STAG2: variants seen among roughly 807,000 people sequenced by gnomAD.
The protein encoded by STAG2 is cohesin subunit SA-2.
A neutral mutation model predicts 108.1 loss-of-function variants in STAG2; 14 were observed. That is an observed-to-expected ratio of 0.13 (90% CI 0.09 to 0.20). The LOEUF (loss-of-function observed/expected upper bound fraction) is 0.20. STAG2 is among the 10% of genes least tolerant of loss of function. The probability of loss-of-function intolerance (pLI) is 1.00; values close to 1 mark genes in which losing one functional copy is unlikely to be tolerated. For missense variants in STAG2, 440 were observed against 940.9 expected (o/e 0.47, Z 6.96); for synonymous variants, 307 against 302.7 (o/e 1.01, Z -0.15).
chrX:124,033,880 A>T (rs1202296554), intron 5 of STAG2, among the ~76,000 whole-genome samples: 1 of 112,297 alleles, frequency 8.9e-6, no homozygotes, highest in Admixed American at 9.5e-5. Context: ...CAGATTCATT[A>T]TCTGGTGAAG....
intron 5 of STAG2, among the ~76,000 whole-genome samples, chrX:124,034,805 G>A (rs1286212557): frequency 9.0e-6 from 1 of 110,884 alleles, no homozygotes; most frequent in Non-Finnish European, 1.9e-5. Flanking sequence ...TTTGATCAAA[G>A]ATCATGTGTT....
intron 30 of STAG2, among the ~76,000 whole-genome samples, chrX:124,088,892 G>C (rs1405005038): frequency 2.0e-5 from 2 of 101,712 alleles, no homozygotes; most frequent in African/African-American, 7.2e-5. Context: ...GGGATTACAG[G>C]TGTGAGCCAC....
At chrX:124,045,977 G>A (rs1171355915) in intron 8 of STAG2, among the ~76,000 whole-genome samples, 1 of 110,433 alleles carries the variant, frequency 9.1e-6, no homozygotes, top group Non-Finnish European at 1.9e-5. Context: ...TTAGGCTGGG[G>A]CAAATTCTTT....
At chrX:123,973,652 C>T (rs2054478120) in intron 1 of STAG2, among the ~76,000 whole-genome samples, 1 of 109,164 alleles carries the variant, frequency 9.2e-6, no homozygotes, top group African/African-American at 3.3e-5. Flanking sequence ...CAAGACTAGC[C>T]TGAGCAATGT....
intron 1 of STAG2, among the ~76,000 whole-genome samples, chrX:124,001,960 A>C (rs2056064064): frequency 8.9e-6 from 1 of 112,286 alleles, no homozygotes. Flanking sequence ...TGGGTGGCTC[A>C]CACCTGTAAT....
intron 5 of STAG2, among the ~76,000 whole-genome samples, chrX:124,033,980 G>A (rs2057427847): frequency 9.0e-6 from 1 of 110,857 alleles, no homozygotes. Context: ...TGATCTTATT[G>A]CCATCTATAG....
intron 26 of STAG2, among the ~76,000 whole-genome samples, chrX:124,077,293 C>A (rs193168430): frequency 1.0e-3 from 110 of 108,052 alleles, no homozygotes; most frequent in Non-Finnish European, 1.7e-3. Flanking sequence ...AGTTATTTAA[C>A]AAATTTTAAA....
intron 1 of STAG2, among the ~76,000 whole-genome samples, chrX:123,970,225 T>C (rs2054297040): frequency 9.1e-6 from 1 of 110,018 alleles, no homozygotes; most frequent in African/African-American, 3.3e-5. Context: ...TTTTCATCCA[T>C]ATTTCCCCCT....
intron 1 of STAG2, among the ~76,000 whole-genome samples, chrX:123,989,454 G>T (rs182318977): frequency 9.0e-6 from 1 of 111,005 alleles, no homozygotes; most frequent in Non-Finnish European, 1.9e-5. Context: ...ATATTTTAAA[G>T]CAGCATATAC....
intron 4 of STAG2, among the ~76,000 whole-genome samples, chrX:124,028,870 C>T (rs1348094610): frequency 8.2e-5 from 8 of 97,398 alleles, no homozygotes; most frequent in Non-Finnish European, 1.6e-4. Flanking sequence ...CCAGGCTTGT[C>T]TTGAACTCCT....
chrX:123,997,790 G>A (rs1007010738), intron 1 of STAG2, among the ~76,000 whole-genome samples: 1 of 111,664 alleles, frequency 9.0e-6, no homozygotes, highest in African/African-American at 3.3e-5. Flanking sequence ...ATAGGCACCC[G>A]TCACCCTGCC....
At position 124,090,897 on chromosome X, in the gene STAG2, G is replaced by A; in HGVS notation, c.3511G>A (p.Ala1171Thr). Reference sequence around the variant, plus strand: ...GTTAGCTCAAAGACAACAAGAGGAAGCAAGGCAACAGCAGGAGAGAGCAGC... The same window carrying A: ...GTTAGCTCAAAGACAACAAGAGGAAACAAGGCAACAGCAGGAGAGAGCAGC... ...WMLAQRQQEE[A>T]RQQQERAAMS... The change falls in exon 32 of 35, where the codon GCA (alanine) becomes ACA (threonine). Residue 1171 changes from alanine (A) to threonine (T), a missense_variant. By Grantham distance (58) the Ala-to-Thr change is moderately conservative. Transcript: ENST00000371145. The A allele has an allele frequency of 1.7e-6, 2 of 1,211,673 alleles. No individual in the cohort carries two copies. The highest frequency in any genetic ancestry group is 2.2e-6 in the Non-Finnish European group (2 of 895,307).
At chrX:123,984,588 A>G (rs1180533672) in intron 1 of STAG2, among the ~76,000 whole-genome samples, 1 of 111,763 alleles carries the variant, frequency 8.9e-6, no homozygotes, top group East Asian at 2.8e-4. Context: ...CTCTCAAGAA[A>G]TATTTGTTGA....
chrX:124,023,338 T>G (rs2148005168), intron 3 of STAG2, among the ~76,000 whole-genome samples: 1 of 111,693 alleles, frequency 9.0e-6, no homozygotes, highest in South Asian at 3.7e-4. Context: ...ATTAGGATCT[T>G]TATGAGACTT....
At chrX:124,045,870 T>C (rs1008871074) in intron 8 of STAG2, among the ~76,000 whole-genome samples, 1 of 111,123 alleles carries the variant, frequency 9.0e-6, no homozygotes, top group Non-Finnish European at 1.9e-5. Flanking sequence ...GTCTTTGGTG[T>C]GCGTTGCCTC....
intron 1 of STAG2, among the ~76,000 whole-genome samples, chrX:124,009,780 A>G (rs2056458390): frequency 8.9e-6 from 1 of 111,906 alleles, no homozygotes; most frequent in South Asian, 3.7e-4. Flanking sequence ...TTCATACTCT[A>G]TGGTGAGCAA....
chrX:124,100,111 T>C (rs982105509), intron 34 of STAG2, among the ~76,000 whole-genome samples: 1 of 111,921 alleles, frequency 8.9e-6, no homozygotes, highest in Non-Finnish European at 1.9e-5. Context: ...TCTTAGATTT[T>C]TTTTGGTCTG....
chrX:124,060,354 G>A (rs769816818), intron 15 of STAG2, among the ~76,000 whole-genome samples: 160 of 112,054 alleles, frequency 1.4e-3, no homozygotes, highest in Non-Finnish European at 2.5e-3. Flanking sequence ...TCGAACTCCT[G>A]ACCTCAGGTG....
At chrX:124,029,809 A>G (rs1194477220) in intron 4 of STAG2, among the ~76,000 whole-genome samples, 1 of 111,692 alleles carries the variant, frequency 9.0e-6, no homozygotes, top group Non-Finnish European at 1.9e-5. Context: ...ACCTTTCTGT[A>G]AAGTATTTTA....
Sources: allele counts gnomAD v4.1 joint callset (sites outside exome capture counted in the v4.1 genomes callset), GRCh38; gene constraint gnomAD v4.1.1; transcripts MANE v1.5; gene names NCBI Gene and HGNC (gene_info 2026-07-23, HGNC 2026-07-21).